Variants in MINDY2 observed in about 807,000 individuals in gnomAD.
MINDY2 encodes the protein ubiquitin carboxyl-terminal hydrolase MINDY-2.
Under a neutral mutation model 68.2 loss-of-function variants are expected in MINDY2, and 52 were observed. The ratio of observed to expected loss-of-function variants is 0.76; its 90% CI spans 0.61 to 0.96. The LOEUF is 0.96. MINDY2 is among the 40% of genes least tolerant of loss of function. The probability of loss-of-function intolerance (pLI) is 0.00; values close to 1 mark genes in which losing one functional copy is unlikely to be tolerated. For synonymous variants in MINDY2, 372 were observed against 303.0 expected (o/e 1.23, Z -2.36); for missense variants, 881 against 773.4 (o/e 1.14, Z -1.65).
Position 58,858,747 on chromosome 15 carries a change from T to C in MINDY2, c.*4137T>C, listed in dbSNP as rs565754798. On this transcript the variant is annotated 3_prime_UTR_variant, in exon 9 of 9. Coordinates refer to ENST00000559228, the MANE Select transcript of MINDY2 (RefSeq NM_001040450.3). ...GGCATTACCTATCACACAGTACTTA[T>C]GCATAAACTTATAATAGTAAAATTA... The C allele has an allele frequency of 7.9e-5, 12 of 152,266 alleles. No homozygotes were observed. The highest frequency in any genetic ancestry group is 2.0e-4 in the Admixed American group (3 of 15,294). 9.4% of individuals were successfully genotyped at this position (152,266 alleles called of 1,614,324 possible). A position where few individuals can be genotyped will look rare whatever the true frequency, so the allele number is the denominator to read the frequency against.
intron 1 of MINDY2, among the ~76,000 whole-genome samples, chr15:58,777,151 G>A (rs1595696764): frequency 6.6e-6 from 1 of 152,130 alleles, no homozygotes. Context: ...TATCAGTTTT[G>A]CTTTGTTTTT....
intron 2 of MINDY2, among the ~76,000 whole-genome samples, chr15:58,792,552 G>C (rs1390249661): frequency 2.0e-5 from 3 of 152,206 alleles, no homozygotes; most frequent in African/African-American, 7.2e-5. Flanking sequence ...GTTGCAGTGA[G>C]CCGAGATCAT....
intron 3 of MINDY2, among the ~76,000 whole-genome samples, chr15:58,806,136 T>C (rs1490876662): frequency 6.6e-6 from 1 of 152,186 alleles, no homozygotes; most frequent in Non-Finnish European, 1.5e-5. Flanking sequence ...TGTAGTGGCA[T>C]GATCTCAGCT....
intron 4 of MINDY2, among the ~76,000 whole-genome samples, chr15:58,821,319 G>A (rs1280530934): frequency 6.8e-6 from 1 of 146,574 alleles, no homozygotes; most frequent in East Asian, 2.0e-4. Context: ...TGCAACATTT[G>A]TTTTTTAGTT....
At chr15:58,811,151 T>C (rs528884162) in intron 4 of MINDY2, among the ~76,000 whole-genome samples, 55 of 152,240 alleles carry the variant, frequency 3.6e-4, no homozygotes, top group Non-Finnish European at 6.6e-4. Flanking sequence ...TTAGAAGTTA[T>C]TTCATAGGAG....
Position 58,861,426 on chromosome 15 carries a change from T to C in MINDY2, c.*6816T>C, listed in dbSNP as rs1214797417. 6.6e-6 allele frequency: 1 copy of C among 152,180 alleles called. No individual in the cohort carries two copies. The highest frequency in any genetic ancestry group is 1.5e-5 in the Non-Finnish European group (1 of 68,024). 9.4% of individuals were successfully genotyped at this position (152,180 alleles called of 1,614,324 possible). A position where few individuals can be genotyped will look rare whatever the true frequency, so the allele number is the denominator to read the frequency against. On this transcript the variant is annotated 3_prime_UTR_variant, in exon 9 of 9. Coordinates refer to ENST00000559228, the MANE Select transcript of MINDY2 (RefSeq NM_001040450.3). ...CCCATTTTACTTCTGAAATAATTCA[T>C]CTGTTTTGCTTTATGACCAGCTTTA...
chr15:58,773,007 A>C (rs1294887774), intron 1 of MINDY2, among the ~76,000 whole-genome samples: 2 of 152,334 alleles, frequency 1.3e-5, no homozygotes, highest in East Asian at 3.9e-4. Context: ...GAGGACTCAG[A>C]GCGAGTTACC....
intron 6 of MINDY2, among the ~76,000 whole-genome samples, chr15:58,832,228 CT>C (rs568639158): frequency 1.3e-3 from 183 of 139,880 alleles, no homozygotes; most frequent in East Asian, 2.1e-3. Flanking sequence ...AGGATGACTT[CT>C]TTTTTTTTTT....
At chr15:58,806,773 C>T (rs1227034679) in intron 3 of MINDY2, among the ~76,000 whole-genome samples, 1 of 152,046 alleles carries the variant, frequency 6.6e-6, no homozygotes, top group African/African-American at 2.4e-5. Flanking sequence ...ACTATTTTTT[C>T]AGATTCATCA....
At chr15:58,799,578 C>CAAAAA (rs34347740) in intron 2 of MINDY2, among the ~76,000 whole-genome samples, 1 of 115,160 alleles carries the variant, frequency 8.7e-6, no homozygotes, top group African/African-American at 3.0e-5. Context: ...GACTCCATCT[C>CAAAAA]AAAAAAAAAA....
chr15:58,797,264 C>T (rs983825887), intron 2 of MINDY2, among the ~76,000 whole-genome samples: 4 of 152,116 alleles, frequency 2.6e-5, no homozygotes, highest in Admixed American at 6.5e-5. Flanking sequence ...CCCAGCACTT[C>T]GCGAGACTGA....
At chr15:58,849,670 A>T (rs780864154) in intron 7 of MINDY2, among the ~76,000 whole-genome samples, 6 of 152,332 alleles carry the variant, frequency 3.9e-5, no homozygotes, top group Non-Finnish European at 7.3e-5. Flanking sequence ...AAGAACTTGA[A>T]GGACAAATTC....
intron 5 of MINDY2, among the ~76,000 whole-genome samples, chr15:58,824,684 T>C (rs1414457149): frequency 6.6e-6 from 1 of 151,126 alleles, no homozygotes; most frequent in East Asian, 1.9e-4. Flanking sequence ...TTTTTTTTTT[T>C]TTTTTGAGAC....
At chr15:58,778,668 C>T (rs1171746979) in intron 1 of MINDY2, among the ~76,000 whole-genome samples, 2 of 151,746 alleles carry the variant, frequency 1.3e-5, no homozygotes, top group Non-Finnish European at 2.9e-5. Context: ...ATTCTGTCAC[C>T]CAGGCTGGAG....
intron 4 of MINDY2, among the ~76,000 whole-genome samples, chr15:58,819,402 C>G (rs1331148437): frequency 6.6e-6 from 1 of 152,166 alleles, no homozygotes; most frequent in Non-Finnish European, 1.5e-5. Flanking sequence ...GGGCTGTGAT[C>G]ACGCCACTAC....
chr15:58,789,706 G>A (rs1482106740), intron 2 of MINDY2, among the ~76,000 whole-genome samples: 1 of 152,016 alleles, frequency 6.6e-6, no homozygotes, highest in East Asian at 1.9e-4. Context: ...GGAGTGCAAT[G>A]GCGTGATCTC....
At chr15:58,832,326 A>C (rs1296310960) in intron 6 of MINDY2, among the ~76,000 whole-genome samples, 1 of 148,236 alleles carries the variant, frequency 6.7e-6, no homozygotes. Flanking sequence ...TCCCAGGTTC[A>C]GGCGCTTCTC....
chr15:58,849,895 C>G (rs670920), intron 7 of MINDY2, among the ~76,000 whole-genome samples: 30,266 of 152,020 alleles, frequency 0.2, 3,309 homozygotes, highest in South Asian at 0.39. Flanking sequence ...TGCCACCACA[C>G]CCGGCTAATT....
At chr15:58,809,056 A>G (rs2030031891) in intron 3 of MINDY2, among the ~76,000 whole-genome samples, 2 of 152,190 alleles carry the variant, frequency 1.3e-5, no homozygotes, top group African/African-American at 4.8e-5. Context: ...ACAAAATATC[A>G]AAAACATTAG....
Sources: allele counts gnomAD v4.1 joint callset (sites outside exome capture counted in the v4.1 genomes callset), GRCh38; gene constraint gnomAD v4.1.1; transcripts MANE v1.5; gene names NCBI Gene and HGNC (gene_info 2026-07-23, HGNC 2026-07-21).